DYNLT2: variants seen among roughly 807,000 people sequenced by gnomAD.
DYNLT2 encodes the protein dynein light chain Tctex-type 2.
In DYNLT2, 24 loss-of-function variants were observed where a neutral mutation model predicts 24.3. That is an observed-to-expected ratio of 0.99 (90% CI 0.71 to 1.39). DYNLT2 has a LOEUF of 1.39. DYNLT2 is among the 40% of genes most tolerant of loss of function. The pLI is 0.00. For synonymous variants in DYNLT2, 85 were observed against 85.4 expected, an observed-to-expected ratio of 1.00 and a Z score of 0.03; for missense variants, 246 against 234.5, an observed-to-expected ratio of 1.05 and a Z score of -0.32.
downstream of DYNLT2, among the ~76,000 whole-genome samples, chr6:169,735,915 G>A (rs987709459): frequency 6.6e-6 from 1 of 152,180 alleles, no homozygotes; most frequent in Non-Finnish European, 1.5e-5. Context: ...CTGTGTGGGA[G>A]TCTAAGTCTC....
chr6:169,732,468 G>A, the DYNLT2 span, among the ~76,000 whole-genome samples: 1 of 152,106 alleles, frequency 6.6e-6, no homozygotes, highest in Non-Finnish European at 1.5e-5. Context: ...GCCCTGGTGT[G>A]TGTTGTTCCC....
intron 3 of DYNLT2, among the ~76,000 whole-genome samples, chr6:169,741,007 C>T (rs1485299906): frequency 2.0e-5 from 3 of 152,034 alleles, no homozygotes; most frequent in African/African-American, 7.3e-5. Flanking sequence ...TGGGGTTTCA[C>T]CATGTTGACC....
downstream of DYNLT2, among the ~76,000 whole-genome samples, chr6:169,739,246 C>T (rs1375061641): frequency 6.8e-6 from 1 of 147,784 alleles, no homozygotes; most frequent in Non-Finnish European, 1.5e-5. Context: ...GGAGTCTTGC[C>T]ATGTTGCTCA....
At chr6:169,743,554 A>G (rs1050068761) in intron 2 of DYNLT2, among the ~76,000 whole-genome samples, 1 of 152,194 alleles carries the variant, frequency 6.6e-6, no homozygotes, top group African/African-American at 2.4e-5. Context: ...CTAGAAGGTA[A>G]AGGAAATTCT....
the DYNLT2 span, among the ~76,000 whole-genome samples, chr6:169,732,408 CT>C: frequency 5.2e-4 from 79 of 152,116 alleles, no homozygotes; most frequent in Non-Finnish European, 9.7e-4. Context: ...TTTGCTGCAT[CT>C]GTTGACCCAT....
chr6:169,738,437 C>T (rs1405211972), downstream of DYNLT2, among the ~76,000 whole-genome samples: 3 of 152,200 alleles, frequency 2.0e-5, no homozygotes, highest in Non-Finnish European at 4.4e-5. Flanking sequence ...CAAGTGGAAT[C>T]TTCTGATCTG....
the DYNLT2 span, among the ~76,000 whole-genome samples, chr6:169,733,871 T>C: frequency 6.6e-6 from 1 of 152,238 alleles, no homozygotes; most frequent in African/African-American, 2.4e-5. Flanking sequence ...ATAAATTACT[T>C]TGGGCAGTGT....
chr6:169,742,990 C>T (rs187294585), intron 3 of DYNLT2, 90 bp downstream of exon 3: 2 of 1,014,732 alleles, frequency 2.0e-6, no homozygotes, highest in Non-Finnish European at 2.7e-6. Context: ...CTATGGCATG[C>T]CCTTGAGTCA....
chr6:169,751,459 C>G lies in DYNLT2; in HGVS notation c.-1G>C, dbSNP rs374869481. ...TCACGCCTCGGCCTCGCTTCTCCAT[C>G]TCGCTCTGTTCTCCAAGACGCCCAC... On this transcript the variant is annotated 5_prime_UTR_variant, in exon 1 of 4. Transcript: ENST00000366774. The G allele has an allele frequency of 2.3e-5, 37 of 1,613,714 alleles. No individual in the cohort carries two copies. The African/African-American group carries it at 4.7e-4, about 20-fold the overall frequency.
rs775968287 is a variant in DYNLT2 at position 169,751,376 on chromosome 6, C to T, written c.83G>A (p.Arg28Lys). The change falls in exon 1 of 4, where the codon AGG (arginine) becomes AAG (lysine). Residue 28 changes from arginine (R) to lysine (K), a missense_variant. Arg to Lys is a conservative substitution (Grantham distance 26). Coordinates refer to ENST00000366774, the MANE Select transcript of DYNLT2 (RefSeq NM_174910.3). The stretch of plus-strand genomic sequence containing the variant: ...GAACATGCTAGGCCTCCTTTCTTTC[C>T]TAGGCGTCACCGGAGCCTGCTGAGG... ...QTPQQAPVTP[R>K]KERRPSMFEK... is the part of the protein sequence containing the mutation. The T allele has an allele frequency of 6.2e-7, 1 of 1,614,052 alleles. No homozygotes were observed. Among genetic ancestry groups the T allele is most frequent in the African/African-American group, 1.3e-5 (1 of 74,928 alleles).
chr6:169,744,996 A>G (rs1248060378), intron 1 of DYNLT2, among the ~76,000 whole-genome samples: 5 of 152,192 alleles, frequency 3.3e-5, no homozygotes, highest in Admixed American at 3.3e-4. Flanking sequence ...TATGTTGAAA[A>G]GAAGTGGCAA....
chr6:169,732,631 T>C, the DYNLT2 span, among the ~76,000 whole-genome samples: 2 of 152,246 alleles, frequency 1.3e-5, no homozygotes, highest in Non-Finnish European at 2.9e-5. Flanking sequence ...TTTTTATGGC[T>C]GCATAGTATA....
At chr6:169,738,677 T>C (rs1789610388), downstream of DYNLT2, 1 of 152,358 alleles carries the variant, frequency 6.6e-6, no homozygotes, top group African/African-American at 2.4e-5. Context: ...CACATGCTTA[T>C]GCTTTTTTTC....
the DYNLT2 span, among the ~76,000 whole-genome samples, chr6:169,726,031 T>G: frequency 6.6e-6 from 1 of 152,244 alleles, no homozygotes. Context: ...CACCTATAGT[T>G]TACTATGACA....
At chr6:169,734,935 G>A in the DYNLT2 span, among the ~76,000 whole-genome samples, 1 of 152,072 alleles carries the variant, frequency 6.6e-6, no homozygotes, top group Non-Finnish European at 1.5e-5. Flanking sequence ...TTTTTGGTTG[G>A]TAGGCTATTA....
chr6:169,751,429 C>T lies in DYNLT2; in HGVS notation c.30G>A (p.Ser10=), dbSNP rs751062347. Residue 10 remains serine (S), a synonymous_variant, in exon 1 of 4, where the codon TCG becomes TCA. Transcript: ENST00000366774. Reference sequence around the variant, plus strand: ...TCTGGTTCGGGGTCTGGATGGGGCTCGACTTCACGCCTCGGCCTCGCTTCT... The same window carrying T: ...TCTGGTTCGGGGTCTGGATGGGGCTTGACTTCACGCCTCGGCCTCGCTTCT... MEKRGRGVK[S]SPIQTPNQTP... 1.2e-6 allele frequency: 2 copies of T among 1,614,128 alleles called. No homozygotes were observed.
chr6:169,750,221 G>T (rs1210493797), intron 1 of DYNLT2: 1 of 152,136 alleles, frequency 6.6e-6, no homozygotes, highest in East Asian at 1.9e-4. Context: ...AGCCACCCTT[G>T]TCTGCCTCAA....
At chr6:169,736,385 G>A (rs1789563498), downstream of DYNLT2, among the ~76,000 whole-genome samples, 1 of 152,120 alleles carries the variant, frequency 6.6e-6, no homozygotes, top group Non-Finnish European at 1.5e-5. Flanking sequence ...TTGCACACTA[G>A]TTGATCCAGT....
intron 1 of DYNLT2, among the ~76,000 whole-genome samples, chr6:169,748,689 C>T (rs773003172): frequency 2.0e-5 from 3 of 152,140 alleles, no homozygotes; most frequent in Non-Finnish European, 4.4e-5. Flanking sequence ...TGGGACCTTC[C>T]TTTCCTCCAC....
Sources: gnomAD v4.1 joint callset for allele counts (sites outside exome capture counted in the v4.1 genomes callset) on GRCh38, gnomAD v4.1.1 for gene constraint, MANE v1.5 for transcripts, NCBI Gene and HGNC (gene_info 2026-07-23, HGNC 2026-07-21) for gene names.